The following ERBB4 variants were observed in gnomAD, a reference collection of about 807,000 sequenced individuals.
ERBB4 encodes erb-b2 receptor tyrosine kinase 4.
ERBB4 carries 42 observed loss-of-function variants against 158.0 expected under a neutral mutation model. That is an observed-to-expected ratio of 0.27 (90% CI 0.21 to 0.34). The LOEUF (loss-of-function observed/expected upper bound fraction) is 0.34. ERBB4 is among the 10% of genes least tolerant of loss of function. The pLI is 1.00. For missense variants in ERBB4, 1,333 were observed against 1,624.1 expected (o/e 0.82, Z 3.08); for synonymous variants, 583 against 558.7 (o/e 1.04, Z -0.61).
chr2:211,829,427 T>C (rs1209055451), intron 3 of ERBB4, among the ~76,000 whole-genome samples: 1 of 152,182 alleles, frequency 6.6e-6, no homozygotes, highest in Non-Finnish European at 1.5e-5. Flanking sequence ...CTTATTTTGG[T>C]TACCGTTAAG....
Position 212,372,410 on chromosome 2 carries a change from C to T in ERBB4, c.82+166039G>A, listed in dbSNP as rs1201207394. On this transcript the variant is annotated intron_variant, in intron 1 of 27. Transcript: ENST00000342788. ...AATTAACCCCTTGTTGACCTTAAAT[C>T]CTATAAGATCCAAGCTTCCTTTGCC... Among the ~76,000 whole-genome samples the T allele has an allele frequency of 2.0e-5, 3 of 152,168 alleles. No individual in the cohort carries two copies. In the East Asian group the frequency reaches 5.8e-4, roughly 29 times the overall value.
intron 20 of ERBB4, among the ~76,000 whole-genome samples, chr2:211,475,408 T>C (rs1329604572): frequency 6.6e-6 from 1 of 152,070 alleles, no homozygotes; most frequent in Non-Finnish European, 1.5e-5. Context: ...AAGTAATGTA[T>C]ATAAAGGTAT....
chr2:211,959,032 C>A (rs374773481), intron 2 of ERBB4, among the ~76,000 whole-genome samples: 7 of 151,948 alleles, frequency 4.6e-5, no homozygotes, highest in African/African-American at 1.7e-4. Context: ...ACAATCCTAA[C>A]GTAAATGTAT....
intron 1 of ERBB4, among the ~76,000 whole-genome samples, chr2:212,256,627 C>T (rs768441875): frequency 6.6e-6 from 1 of 151,986 alleles, no homozygotes; most frequent in African/African-American, 2.4e-5. Context: ...CTAATAATGC[C>T]CTGAGATAGT....
intron 25 of ERBB4, among the ~76,000 whole-genome samples, chr2:211,392,098 AACTATT>A (rs1390906033): frequency 6.6e-6 from 1 of 152,234 alleles, no homozygotes; most frequent in Non-Finnish European, 1.5e-5. Context: ...TCCACATAGT[AACTATT>A]AAAGGTTCTC....
intron 16 of ERBB4, among the ~76,000 whole-genome samples, chr2:211,647,828 G>A (rs920635809): frequency 7.9e-5 from 12 of 151,642 alleles, no homozygotes; most frequent in African/African-American, 2.9e-4. Context: ...TTCCCAATCA[G>A]CATATGGACT....
At chr2:211,683,321 G>A (rs981252965) in intron 12 of ERBB4, among the ~76,000 whole-genome samples, 1 of 152,030 alleles carries the variant, frequency 6.6e-6, no homozygotes, top group Admixed American at 6.6e-5. Context: ...ACACTGACTT[G>A]TCTCCCACCT....
At chr2:211,881,150 G>A (rs983494165) in intron 3 of ERBB4, among the ~76,000 whole-genome samples, 4 of 151,286 alleles carry the variant, frequency 2.6e-5, no homozygotes, top group Non-Finnish European at 4.4e-5. Context: ...TGGCATTACC[G>A]TTACAATCCT....
chr2:212,322,215 A>G (rs1475945710), intron 1 of ERBB4, among the ~76,000 whole-genome samples: 1 of 150,458 alleles, frequency 6.6e-6, no homozygotes, highest in African/African-American at 2.4e-5. Context: ...AGGAGAAGAC[A>G]GAATTGGCCT....
In ERBB4 at chr2:212,147,157, ATTTTTTTTTT is replaced by A. The variant is rs71397161; in HGVS notation, c.83-22264_83-22255del. Among the ~76,000 whole-genome samples, 266 of 34,260 alleles carry A rather than the reference ATTTTTTTTTT, an allele frequency of 7.8e-3. 2 individuals carry two copies. Among genetic ancestry groups the A allele is most frequent in the African/African-American group, 0.031 (234 of 7,432 alleles). The allele number at this position is 34,260 out of a possible 152,430, so 22.5% of individuals were successfully genotyped here. A position where few individuals can be genotyped will look rare whatever the true frequency, so the allele number is the denominator to read the frequency against. On this transcript the variant is annotated intron_variant, in intron 1 of 27. Transcript: ENST00000342788. ...AGGGGCATGCCACCATGCCCAGCTA[ATTTTTTTTTT>A]TTTTTTTTTTTTTTTTTTTGTAGAG...
chr2:211,452,611 GCT>G (rs1251866523), intron 20 of ERBB4, among the ~76,000 whole-genome samples: 1 of 152,046 alleles, frequency 6.6e-6, no homozygotes, highest in Non-Finnish European at 1.5e-5. Flanking sequence ...AATTAAAATA[GCT>G]CTGTTACCAA....
At chr2:211,520,907 T>G (rs748349964) in intron 20 of ERBB4, among the ~76,000 whole-genome samples, 2 of 152,168 alleles carry the variant, frequency 1.3e-5, no homozygotes, top group Non-Finnish European at 2.9e-5. Flanking sequence ...TGGAGCATCA[T>G]GAATCATGCC....
chr2:211,588,549 A>G (rs1485281246), intron 19 of ERBB4, among the ~76,000 whole-genome samples: 1 of 152,166 alleles, frequency 6.6e-6, no homozygotes, highest in Non-Finnish European at 1.5e-5. Flanking sequence ...TATTGTAACT[A>G]CATTTTATAT....
chr2:212,457,561 T>C (rs973618885), intron 1 of ERBB4, among the ~76,000 whole-genome samples: 1 of 152,080 alleles, frequency 6.6e-6, no homozygotes. Context: ...CTAGAATTAA[T>C]ACCATTAAAT....
intron 1 of ERBB4, among the ~76,000 whole-genome samples, chr2:212,245,835 G>A (rs2084287919): frequency 6.6e-6 from 1 of 152,052 alleles, no homozygotes; most frequent in Non-Finnish European, 1.5e-5. Flanking sequence ...TCTTTTTCTT[G>A]TGCTCTCTGA....
At chr2:211,400,686 A>G (rs1296285704) in intron 25 of ERBB4, among the ~76,000 whole-genome samples, 2 of 152,008 alleles carry the variant, frequency 1.3e-5, no homozygotes, top group East Asian at 1.9e-4. Context: ...ACAAAAAAAA[A>G]ATAGAGTAAA....
chr2:212,018,007 T>C (rs2076566597), intron 2 of ERBB4, among the ~76,000 whole-genome samples: 2 of 152,186 alleles, frequency 1.3e-5, no homozygotes, highest in Non-Finnish European at 2.9e-5. Context: ...ATCAACATTA[T>C]ACTTAGCTTA....
chr2:211,759,746 A>G (rs2106236206), intron 4 of ERBB4, among the ~76,000 whole-genome samples: 1 of 151,414 alleles, frequency 6.6e-6, no homozygotes, highest in East Asian at 1.9e-4. Context: ...TATAATGCAT[A>G]AAAACATGAA....
At chr2:211,580,879 A>ATG (rs1559317742) in intron 19 of ERBB4, among the ~76,000 whole-genome samples, 3,145 of 67,088 alleles carry the variant, frequency 0.047, 688 homozygotes, top group African/African-American at 0.085. Context: ...ATATATATAT[A>ATG]TATATATATA....
Sources: allele counts gnomAD v4.1 joint callset (sites outside exome capture counted in the v4.1 genomes callset), GRCh38; gene constraint gnomAD v4.1.1; transcripts MANE v1.5; gene names NCBI Gene and HGNC (gene_info 2026-07-23, HGNC 2026-07-21).